Variants in EPHA6 observed in about 807,000 individuals in gnomAD.
EPHA6 encodes the protein EPH receptor A6.
Under a neutral mutation model 112.0 loss-of-function variants are expected in EPHA6, and 50 were observed. That is an observed-to-expected ratio of 0.45 (90% CI 0.36 to 0.56). The LOEUF is 0.56. Ranked by LOEUF, EPHA6 falls within the 20% of genes least tolerant of loss-of-function variation. The probability of loss-of-function intolerance (pLI) is 0.00; values close to 1 mark genes in which losing one functional copy is unlikely to be tolerated. For synonymous variants in EPHA6, 529 were observed against 490.7 expected (o/e 1.08, Z -1.03); for missense variants, 1,280 against 1,417.4 (o/e 0.90, Z 1.56).
At chr3:97,494,583 C>G (rs1427554860) in intron 10 of EPHA6, among the ~76,000 whole-genome samples, 1 of 152,150 alleles carries the variant, frequency 6.6e-6, no homozygotes, top group Non-Finnish European at 1.5e-5. Context: ...TAGATTCTAT[C>G]TGACCATCCA....
chr3:97,319,379 G>A (rs1002415353), intron 5 of EPHA6, among the ~76,000 whole-genome samples: 93 of 151,300 alleles, frequency 6.1e-4, no homozygotes, highest in Non-Finnish European at 2.9e-4. Flanking sequence ...TTAAAAGACC[G>A]AAAAAATATC....
intron 2 of EPHA6, among the ~76,000 whole-genome samples, chr3:96,914,652 G>A (rs1477163342): frequency 2.0e-5 from 3 of 152,234 alleles, no homozygotes; most frequent in South Asian, 4.1e-4. Context: ...GTTTAGTAGA[G>A]AAAATCCTGT....
chr3:97,130,058 C>T (rs1283950473), intron 3 of EPHA6, among the ~76,000 whole-genome samples: 2 of 151,854 alleles, frequency 1.3e-5, no homozygotes, highest in East Asian at 1.9e-4. Context: ...TTCAAGGTCT[C>T]TCATATGATC....
intron 5 of EPHA6, among the ~76,000 whole-genome samples, chr3:97,348,347 T>C (rs1314953876): frequency 6.6e-6 from 1 of 152,080 alleles, no homozygotes; most frequent in African/African-American, 2.4e-5. Context: ...TCTTGTCTAA[T>C]ATAAAAGTTT....
At chr3:97,296,917 A>G (rs781402783) in intron 5 of EPHA6, among the ~76,000 whole-genome samples, 3 of 152,134 alleles carry the variant, frequency 2.0e-5, no homozygotes, top group African/African-American at 4.8e-5. Context: ...GGGGAATATC[A>G]CTGGGGCTCC....
chr3:96,953,397 T>C (rs981830488), intron 2 of EPHA6, among the ~76,000 whole-genome samples: 2 of 152,166 alleles, frequency 1.3e-5, no homozygotes, highest in Non-Finnish European at 2.9e-5. Context: ...TCACCGTTCC[T>C]TTTTCCAGCC....
At position 97,519,675 on chromosome 3, in the gene EPHA6, C is replaced by T. The variant is rs573681048; in HGVS notation, c.2201-12683C>T. On this transcript the variant is annotated intron_variant, in intron 10 of 17. Transcript: ENST00000389672. ...TCATTCGTCAGTGTTTTATGATTTT[C>T]CTCATAGAGATCTTTTATCTCCTTG... Among the ~76,000 whole-genome samples the T allele has an allele frequency of 4.6e-5, 7 of 152,094 alleles. No individual in the cohort carries two copies. In the South Asian group the frequency reaches 1.5e-3, roughly 32 times the overall value.
intron 1 of EPHA6, among the ~76,000 whole-genome samples, chr3:96,815,911 G>A (rs1320300463): frequency 6.6e-6 from 1 of 152,172 alleles, no homozygotes; most frequent in Non-Finnish European, 1.5e-5. Context: ...TTCCCAGCAT[G>A]TATCTGGCTA....
chr3:97,657,046 A>G (rs1379287180), intron 14 of EPHA6, among the ~76,000 whole-genome samples: 3 of 151,954 alleles, frequency 2.0e-5, no homozygotes, highest in Non-Finnish European at 4.4e-5. Context: ...TCCTGCCTGT[A>G]TATATTGCAT....
At chr3:96,868,367 A>G (rs1223811844) in intron 2 of EPHA6, among the ~76,000 whole-genome samples, 1 of 151,962 alleles carries the variant, frequency 6.6e-6, no homozygotes, top group African/African-American at 2.4e-5. Context: ...ATAAGGAACT[A>G]TTCAGTAAGG....
intron 2 of EPHA6, among the ~76,000 whole-genome samples, chr3:96,946,870 A>G (rs1367219710): frequency 1.3e-5 from 2 of 152,072 alleles, no homozygotes; most frequent in African/African-American, 2.4e-5. Context: ...CACCATTCCA[A>G]TTGGTGTGAA....
At chr3:96,886,469 G>A in intron 2 of EPHA6, among the ~76,000 whole-genome samples, 1 of 152,122 alleles carries the variant, frequency 6.6e-6, no homozygotes, top group South Asian at 2.1e-4. Context: ...TTTAAAGTTT[G>A]TTTTGTCTGA....
At chr3:97,672,324 C>T (rs1422675613) in intron 14 of EPHA6, among the ~76,000 whole-genome samples, 6 of 152,080 alleles carry the variant, frequency 3.9e-5, no homozygotes, top group Non-Finnish European at 8.8e-5. Context: ...CCATGCTTAT[C>T]TTTCTTTTGT....
At chr3:97,477,107 C>T (rs1353640312) in intron 8 of EPHA6, among the ~76,000 whole-genome samples, 3 of 152,096 alleles carry the variant, frequency 2.0e-5, no homozygotes, top group Admixed American at 6.6e-5. Context: ...TTAGGGCAAA[C>T]CTCTGACAGC....
chr3:97,425,064 G>A (rs148391680), intron 6 of EPHA6, among the ~76,000 whole-genome samples: 2,058 of 152,306 alleles, frequency 0.014, 49 homozygotes, highest in African/African-American at 0.045. Flanking sequence ...CTACCCCTGT[G>A]GCTTTGCAGG....
Position 97,736,091 on chromosome 3 carries a change from T to G in EPHA6, c.3101T>G (p.Leu1034Arg). The G allele has an allele frequency of 6.2e-7, 1 of 1,612,258 alleles. No homozygotes were observed. Among genetic ancestry groups the G allele is most frequent in the Non-Finnish European group, 8.5e-7 (1 of 1,178,966 alleles). ...AAACTGATCCGAAATCCCAGTGCCCTTCACACCCTGGTGGAGGACATCCTT... is the reference window on the plus strand; with the variant it reads ...AAACTGATCCGAAATCCCAGTGCCCGTCACACCCTGGTGGAGGACATCCTT... ...LDKLIRNPSA[L>R]HTLVEDILVM... The change falls in exon 16 of 18, where the codon CTT becomes CGT. Residue 1034 changes from leucine to arginine, a missense_variant. By Grantham distance (102) the Leu-to-Arg change is moderately radical (BLOSUM62 -2). Coordinates refer to ENST00000389672, the MANE Select transcript of EPHA6 (RefSeq NM_001080448.3).
At chr3:97,415,403 C>T (rs538071654) in intron 6 of EPHA6, among the ~76,000 whole-genome samples, 1 of 152,020 alleles carries the variant, frequency 6.6e-6, no homozygotes, top group African/African-American at 2.4e-5. Flanking sequence ...CATTGGACAC[C>T]TTGAAGCTGG....
intron 3 of EPHA6, among the ~76,000 whole-genome samples, chr3:97,156,095 A>G (rs908444929): frequency 2.0e-5 from 3 of 152,184 alleles, no homozygotes; most frequent in African/African-American, 4.8e-5. Flanking sequence ...ATACCATAAT[A>G]CAAATGTGAA....
At chr3:97,543,533 C>A (rs1260415572) in intron 11 of EPHA6, among the ~76,000 whole-genome samples, 1 of 152,122 alleles carries the variant, frequency 6.6e-6, no homozygotes, top group African/African-American at 2.4e-5. Flanking sequence ...TAGCGTGCTG[C>A]CTCCAGCTTT....
Sources: allele counts gnomAD v4.1 joint callset (sites outside exome capture counted in the v4.1 genomes callset), GRCh38; gene constraint gnomAD v4.1.1; transcripts MANE v1.5; gene names NCBI Gene and HGNC (gene_info 2026-07-23, HGNC 2026-07-21).